The following CPS1 variants were observed in gnomAD, a reference collection of about 807,000 sequenced individuals.
CPS1 encodes carbamoyl-phosphate synthase [ammonia], mitochondrial.
In CPS1, 109 loss-of-function variants were observed where a neutral mutation model predicts 174.6. That is an observed-to-expected ratio of 0.62 (90% CI 0.53 to 0.73). The LOEUF (loss-of-function observed/expected upper bound fraction) is 0.73, where lower values mean the gene tolerates loss of function less well. CPS1 is among the 30% of genes least tolerant of loss of function. The pLI, the probability that CPS1 is intolerant of heterozygous loss-of-function variation, is 0.00. For synonymous variants in CPS1, 637 were observed against 632.0 expected (o/e 1.01, Z -0.12); for missense variants, 1,689 against 1,821.9 (o/e 0.93, Z 1.33).
At chr2:210,550,772 A>G (rs567310314) in intron 1 of CPS1, among the ~76,000 whole-genome samples, 2 of 151,828 alleles carry the variant, frequency 1.3e-5, no homozygotes, top group Non-Finnish European at 1.5e-5. Context: ...CCAATGTTTT[A>G]GTTTCTATTG....
intron 1 of CPS1, among the ~76,000 whole-genome samples, chr2:210,501,727 A>G (rs1695143352): frequency 6.6e-6 from 1 of 152,130 alleles, no homozygotes; most frequent in African/African-American, 2.4e-5. Context: ...AAACCATTAG[A>G]CAAGTCTCTA....
upstream of CPS1, among the ~76,000 whole-genome samples, chr2:210,554,108 TATATATATGTATGTATATATAC>T (rs1696808798): frequency 2.2e-5 from 3 of 139,430 alleles, no homozygotes; most frequent in African/African-American, 8.8e-5. Context: ...TATATACACA[TATATATATGTATGTATATATAC>T]ATACATATAT....
chr2:210,485,312 C>G (rs1235038479), intron 1 of CPS1, among the ~76,000 whole-genome samples: 5 of 151,658 alleles, frequency 3.3e-5, no homozygotes, highest in Non-Finnish European at 7.4e-5. Context: ...CTAAAGTATA[C>G]CATTTCATAA....
chr2:210,512,298 C>A (rs1020102991), intron 1 of CPS1, among the ~76,000 whole-genome samples: 1 of 151,754 alleles, frequency 6.6e-6, no homozygotes, highest in Non-Finnish European at 1.5e-5. Flanking sequence ...ACAAATGATA[C>A]CATCACCCAG....
At chr2:210,653,704 A>G (rs1466921701) in intron 28 of CPS1, among the ~76,000 whole-genome samples, 1 of 152,226 alleles carries the variant, frequency 6.6e-6, no homozygotes, top group Non-Finnish European at 1.5e-5. Flanking sequence ...TTCTGACAGC[A>G]GAGAAAGAAG....
In CPS1 at chr2:210,608,269, T is replaced by C. The variant is rs891057715; in HGVS notation, c.2193-92T>C. The C allele has an allele frequency of 7.6e-6, 9 of 1,184,148 alleles. No individual in the cohort carries two copies. In the East Asian group the frequency reaches 9.8e-5, roughly 13 times the overall value. The allele number at this position is 1,184,148 out of a possible 1,614,324, so 73.4% of individuals were successfully genotyped here. A position where few individuals can be genotyped will look rare whatever the true frequency, so the allele number is the denominator to read the frequency against. On this transcript the variant is annotated intron_variant, in intron 18 of 37. Coordinates refer to ENST00000233072, the MANE Select transcript of CPS1 (RefSeq NM_001875.5). ...TGTCTTATACCCTGAAGTAGAATAA[T>C]ACCAGAAATTTTAAGAAAGACCAAT...
rs1262345881 is a variant in CPS1 at position 210,592,909 on chromosome 2, G to T, written c.1117G>T (p.Ala373Ser). The T allele has an allele frequency of 1.2e-6, 2 of 1,612,084 alleles. No individual in the cohort carries two copies. Among genetic ancestry groups the T allele is most frequent in the African/African-American group, 1.3e-5 (1 of 74,666 alleles). ...GIMHESKPFF[A>S]VQFHPEVTPG... ...TATGCATGAGAGCAAACCCTTCTTC[G>T]CTGTGCAGTTCCACCCAGAGGTCAC... The change falls in exon 11 of 38, where the codon GCT (alanine) becomes TCT (serine). Residue 373 changes from alanine to serine, a missense_variant. Coordinates refer to ENST00000233072, the MANE Select transcript of CPS1 (RefSeq NM_001875.5).
chr2:210,494,554 G>A (rs1694944918), intron 1 of CPS1, among the ~76,000 whole-genome samples: 1 of 152,198 alleles, frequency 6.6e-6, no homozygotes, highest in African/African-American at 2.4e-5. Context: ...GTCAAGATTT[G>A]TGTGGGAGAT....
intron 1 of CPS1, among the ~76,000 whole-genome samples, chr2:210,501,053 C>T (rs1307960524): frequency 6.6e-6 from 1 of 152,166 alleles, no homozygotes; most frequent in Non-Finnish European, 1.5e-5. Flanking sequence ...AGGCTTGGGG[C>T]TTGTGCCCTC....
intron 1 of CPS1, among the ~76,000 whole-genome samples, chr2:210,537,093 C>T (rs1033896050): frequency 4.6e-5 from 7 of 152,160 alleles, no homozygotes; most frequent in African/African-American, 1.7e-4. Context: ...AACTTTTGTA[C>T]TTTGACATGC....
At chr2:210,663,675 T>C (rs1462427775) in intron 33 of CPS1, among the ~76,000 whole-genome samples, 2 of 151,934 alleles carry the variant, frequency 1.3e-5, no homozygotes, top group African/African-American at 2.4e-5. Context: ...TTTAACCTCC[T>C]GGGGATTATC....
intron 1 of CPS1, among the ~76,000 whole-genome samples, chr2:210,508,327 C>T (rs1695347400): frequency 2.0e-5 from 3 of 151,198 alleles, no homozygotes; most frequent in African/African-American, 4.9e-5. Flanking sequence ...TCTTTGAAAC[C>T]AATGAGAACA....
intron 1 of CPS1, among the ~76,000 whole-genome samples, chr2:210,549,363 C>T (rs557203572): frequency 2.0e-5 from 3 of 151,872 alleles, no homozygotes; most frequent in African/African-American, 7.2e-5. Flanking sequence ...TTTTTTTTTA[C>T]ATTTTCTTAA....
chr2:210,552,645 C>A (rs114620043), upstream of CPS1, among the ~76,000 whole-genome samples: 1,738 of 151,246 alleles, frequency 0.011, 33 homozygotes, highest in African/African-American at 0.038. Flanking sequence ...TTTTTTCAAT[C>A]TGTAGCAGGT....
chr2:210,525,345 A>G (rs1695944123), intron 1 of CPS1, among the ~76,000 whole-genome samples: 1 of 151,964 alleles, frequency 6.6e-6, no homozygotes, highest in South Asian at 2.1e-4. Flanking sequence ...GTCTTTTAAG[A>G]ACAGGGCAAA....
At chr2:210,603,398 G>A (rs773551376) in intron 16 of CPS1, among the ~76,000 whole-genome samples, 2 of 151,914 alleles carry the variant, frequency 1.3e-5, no homozygotes, top group South Asian at 2.1e-4. Flanking sequence ...CTTGGGTTTC[G>A]TTTTTCTAAA....
chr2:210,605,026 G>A (rs1698855692), intron 16 of CPS1, 76 bp from the exon 17 acceptor site: 1 of 1,530,424 alleles, frequency 6.5e-7, no homozygotes. Flanking sequence ...ATTTATGCCA[G>A]GGTATTTTGC....
chr2:210,629,846 C>G (rs976654718), intron 21 of CPS1, among the ~76,000 whole-genome samples: 1 of 146,656 alleles, frequency 6.8e-6, no homozygotes, highest in African/African-American at 2.5e-5. Context: ...GTCAGGAGAT[C>G]GAGACCATCC....
intron 11 of CPS1, 35 bp downstream of exon 11, chr2:210,592,991 A>G (rs762650520): frequency 1.6e-5 from 25 of 1,541,506 alleles, no homozygotes; most frequent in Non-Finnish European, 2.2e-5. Context: ...TATGTATGCA[A>G]AAAAAAAATG....
Sources: allele counts gnomAD v4.1 joint callset (sites outside exome capture counted in the v4.1 genomes callset), GRCh38; gene constraint gnomAD v4.1.1; transcripts MANE v1.5; gene names NCBI Gene and HGNC (gene_info 2026-07-23, HGNC 2026-07-21).